MLLT10: variants seen among roughly 807,000 people sequenced by gnomAD.
MLLT10 encodes MLLT10 histone lysine methyltransferase DOT1L cofactor.
In MLLT10, 30 loss-of-function variants were observed where a neutral mutation model predicts 129.1. That is an observed-to-expected ratio of 0.23 (90% CI 0.17 to 0.32). The LOEUF (loss-of-function observed/expected upper bound fraction) is 0.32, where lower values mean the gene tolerates loss of function less well. Among genes scored for constraint, MLLT10 ranks in the 10% least tolerant of loss-of-function variants. The pLI is 1.00. For missense variants in MLLT10, 1,119 were observed against 1,268.3 expected (o/e 0.88, Z 1.79); for synonymous variants, 490 against 446.4 (o/e 1.10, Z -1.23).
chr10:21,545,362 A>G (rs1588832427), intron 3 of MLLT10, among the ~76,000 whole-genome samples: 1 of 152,194 alleles, frequency 6.6e-6, no homozygotes, highest in East Asian at 1.9e-4. Context: ...CGCCACAGAG[A>G]CAACTAGGTG....
intron 2 of MLLT10, among the ~76,000 whole-genome samples, chr10:21,535,298 T>TG (rs927091538): frequency 7.3e-5 from 11 of 151,718 alleles, no homozygotes; most frequent in Admixed American, 2.6e-4. Flanking sequence ...GGCGCCAGTG[T>TG]GGGGAGGCTG....
In MLLT10 at chr10:21,742,593, G is replaced by GC. The variant is rs1432449023; in HGVS notation, c.*611dup. On this transcript the variant is annotated 3_prime_UTR_variant, in exon 23 of 23. Transcript: ENST00000307729. ...TAATGAAGTTAGGATGGTAATGTCT[G>GC]CATCTGCTAAAGGTAATTTTCTTTT... The GC allele has an allele frequency of 5.5e-5, 12 of 219,614 alleles. No individual in the cohort carries two copies. Among genetic ancestry groups the GC allele is most frequent in the Admixed American group, 5.8e-5 (1 of 17,288 alleles). 13.6% of individuals were successfully genotyped at this position (219,614 alleles called of 1,614,324 possible). A position where few individuals can be genotyped will look rare whatever the true frequency, so the allele number is the denominator to read the frequency against.
At chr10:21,676,334 C>T (rs933477201) in intron 11 of MLLT10, among the ~76,000 whole-genome samples, 1 of 151,500 alleles carries the variant, frequency 6.6e-6, no homozygotes, top group Non-Finnish European at 1.5e-5. Flanking sequence ...AGGAGAATGG[C>T]GTGAACCTGA....
chr10:21,702,759 T>C (rs540940720), intron 13 of MLLT10, among the ~76,000 whole-genome samples: 184 of 152,284 alleles, frequency 1.2e-3, no homozygotes, highest in African/African-American at 3.8e-3. Flanking sequence ...CTTCCTGTGG[T>C]TTCCCTTTGC....
chr10:21,563,901 C>T (rs891079460), intron 3 of MLLT10, among the ~76,000 whole-genome samples: 3 of 151,858 alleles, frequency 2.0e-5, no homozygotes, highest in East Asian at 3.9e-4. Context: ...CGGGCTCCAC[C>T]TCCCAGGTTC....
chr10:21,674,944 G>C (rs901003835), intron 11 of MLLT10, among the ~76,000 whole-genome samples: 2 of 152,064 alleles, frequency 1.3e-5, no homozygotes. Context: ...TAATAGTTGT[G>C]AATACACAGT....
chr10:21,648,749 G>T (rs2048746658), intron 8 of MLLT10, among the ~76,000 whole-genome samples: 2 of 152,174 alleles, frequency 1.3e-5, no homozygotes, highest in African/African-American at 4.8e-5. Flanking sequence ...AGAAAAAGAG[G>T]TTTAATGGTC....
At chr10:21,552,074 A>C (rs751615217) in intron 3 of MLLT10, among the ~76,000 whole-genome samples, 3 of 151,980 alleles carry the variant, frequency 2.0e-5, no homozygotes, top group Non-Finnish European at 4.4e-5. Flanking sequence ...CTATAGGTAC[A>C]CACCGCCATG....
chr10:21,610,850 C>G (rs895562181), intron 5 of MLLT10, among the ~76,000 whole-genome samples: 14 of 151,702 alleles, frequency 9.2e-5, no homozygotes, highest in African/African-American at 3.4e-4. Context: ...TCCATTGTAA[C>G]TAGTACTTAG....
At chr10:21,615,775 T>C (rs1325101640) in intron 7 of MLLT10, among the ~76,000 whole-genome samples, 1 of 152,158 alleles carries the variant, frequency 6.6e-6, no homozygotes, top group African/African-American at 2.4e-5. Flanking sequence ...ATTCTTTAGA[T>C]TTGGTCACTA....
intron 13 of MLLT10, among the ~76,000 whole-genome samples, chr10:21,694,943 G>A (rs183027103): frequency 1.2e-4 from 19 of 152,032 alleles, no homozygotes; most frequent in Non-Finnish European, 2.4e-4. Context: ...ATGCCCCTGC[G>A]TCTTCAAGCC....
intron 7 of MLLT10, among the ~76,000 whole-genome samples, chr10:21,616,077 T>C (rs759918823): frequency 1.5e-4 from 23 of 152,128 alleles, no homozygotes; most frequent in Non-Finnish European, 2.9e-4. Flanking sequence ...GCCTCTAATA[T>C]TTTGGTTCTT....
Position 21,661,684 on chromosome 10 carries a change from C to G in MLLT10, c.796-8765C>G, listed in dbSNP as rs571072992. ...TTGCATGTCACTCTTGCACAGGGGT[C>G]CTACTAATCTTCTCTGTATCATTCT... On this transcript the variant is annotated intron_variant, in intron 9 of 22. Coordinates refer to ENST00000307729, the MANE Select transcript of MLLT10 (RefSeq NM_001195626.3). The G allele has an allele frequency of 3.3e-5, 5 of 152,248 alleles. No homozygotes were observed. In the East Asian group the frequency reaches 9.6e-4, roughly 29 times the overall value. The allele number at this position is 152,248 out of a possible 1,614,324, so 9.4% of individuals were successfully genotyped here.
chr10:21,535,829 G>C lies in MLLT10; in HGVS notation c.160+1025G>C, dbSNP rs79765891. Among the ~76,000 whole-genome samples, 334 of 152,368 alleles carry C rather than the reference G, an allele frequency of 2.2e-3. 1 individual carries two copies. The highest frequency in any genetic ancestry group is 3.8e-3 in the Non-Finnish European group (258 of 68,040). ...TTGAACATCTGCTAAAGTGCATTTT[G>C]TAGAGAAACGAATGTCACACTTGGA... On this transcript the variant is annotated intron_variant, in intron 2 of 22. Coordinates refer to ENST00000307729, the MANE Select transcript of MLLT10 (RefSeq NM_001195626.3).
chr10:21,713,724 C>A, intron 13 of MLLT10, 48 bp from the exon 14 acceptor site: 2 of 1,539,842 alleles, frequency 1.3e-6, no homozygotes, highest in South Asian at 1.2e-5. Context: ...GTGTCTGTGA[C>A]AAATTTGACT....
intron 3 of MLLT10, among the ~76,000 whole-genome samples, chr10:21,560,162 C>T (rs2038623396): frequency 6.6e-6 from 1 of 152,140 alleles, no homozygotes; most frequent in African/African-American, 2.4e-5. Context: ...TGCGCCACCA[C>T]ACCCGGCTAA....
chr10:21,558,646 A>G (rs1232804216), intron 3 of MLLT10, among the ~76,000 whole-genome samples: 1 of 151,870 alleles, frequency 6.6e-6, no homozygotes, highest in Non-Finnish European at 1.5e-5. Flanking sequence ...TTGGCCTCCC[A>G]AGGTGCTGGG....
At chr10:21,737,688 G>A (rs143500818) in intron 21 of MLLT10, among the ~76,000 whole-genome samples, 314 of 152,240 alleles carry the variant, frequency 2.1e-3, no homozygotes, top group Non-Finnish European at 3.4e-3. Flanking sequence ...AGTATGGACC[G>A]AGACCCAAGT....
intron 9 of MLLT10, among the ~76,000 whole-genome samples, chr10:21,661,323 T>G (rs188633747): frequency 5.6e-4 from 86 of 152,358 alleles, no homozygotes; most frequent in African/African-American, 1.9e-3. Context: ...TACAGTTGAT[T>G]GATAGTACTG....
Sources: gnomAD v4.1 joint callset for allele counts (sites outside exome capture counted in the v4.1 genomes callset) on GRCh38, gnomAD v4.1.1 for gene constraint, MANE v1.5 for transcripts, NCBI Gene and HGNC (gene_info 2026-07-23, HGNC 2026-07-21) for gene names.